The following SDHAF2 variants were observed in gnomAD, a reference collection of about 807,000 sequenced individuals.
SDHAF2 encodes the protein succinate dehydrogenase complex assembly factor 2.
Under a neutral mutation model 18.5 loss-of-function variants are expected in SDHAF2, and 21 were observed. The ratio of observed to expected loss-of-function variants is 1.13; its 90% confidence interval spans 0.80 to 1.63. The LOEUF is 1.63. SDHAF2 is among the 40% of genes most tolerant of loss of function. The probability of loss-of-function intolerance (pLI) is 0.00; values close to 1 mark genes in which losing one functional copy is unlikely to be tolerated. For missense variants in SDHAF2, 195 were observed against 200.3 expected (o/e 0.97, Z 0.16); for synonymous variants, 84 against 70.7 (o/e 1.19, Z -0.94).
At chr11:61,441,449 A>AGT (rs1798229167) in intron 3 of SDHAF2, among the ~76,000 whole-genome samples, 1 of 150,176 alleles carries the variant, frequency 6.7e-6, no homozygotes, top group Non-Finnish European at 1.5e-5. Flanking sequence ...TAAACCAGGG[A>AGT]GTCGGAGGTT....
At chr11:61,441,132 C>T (rs1304093596) in intron 3 of SDHAF2, among the ~76,000 whole-genome samples, 2 of 152,150 alleles carry the variant, frequency 1.3e-5, no homozygotes, top group African/African-American at 4.8e-5. Context: ...CTGCAATGAC[C>T]TATGATCACG....
In SDHAF2 at chr11:61,430,172, C is replaced by T. The variant is rs552102107; in HGVS notation, c.26C>T (p.Thr9Ile). ...ATGGCGGTGTCTACAGTGTTCTCGA[C>T]TTCGTCGCTGGTGAGGAGAGAGAAC... Reference protein sequence around the residue: MAVSTVFSTSSLMLALSRH... With the variant: MAVSTVFSISSLMLALSRH... Residue 9 changes from threonine (T) to isoleucine (I), a missense_variant, in exon 1 of 4, where the codon ACT (threonine) becomes ATT (isoleucine). By Grantham distance (89) the Thr-to-Ile change is moderately conservative. Transcript: ENST00000301761. 1.1e-5 allele frequency: 17 copies of T among 1,614,230 alleles called. No homozygotes were observed. Among genetic ancestry groups the T allele is most frequent in the Middle Eastern group, 1.7e-4 (1 of 6,060 alleles).
intron 1 of SDHAF2, chr11:61,434,648 G>T: frequency 7.8e-6 from 1 of 127,390 alleles, no homozygotes. Flanking sequence ...ACCAGTCTTT[G>T]AGTTTGCTGA....
chr11:61,435,763 C>T (rs1861984474), intron 1 of SDHAF2: 1 of 152,276 alleles, frequency 6.6e-6, no homozygotes, highest in African/African-American at 2.4e-5. Context: ...TAGAGTATGC[C>T]ATGTCCCATC....
intron 3 of SDHAF2, among the ~76,000 whole-genome samples, chr11:61,443,650 C>T (rs1862097066): frequency 1.3e-5 from 2 of 152,294 alleles, no homozygotes; most frequent in South Asian, 2.1e-4. Flanking sequence ...CTGGCTCTGT[C>T]GCCCAGGCTG....
chr11:61,440,263 C>A (rs910879828), intron 3 of SDHAF2, among the ~76,000 whole-genome samples: 3 of 152,070 alleles, frequency 2.0e-5, no homozygotes, highest in Non-Finnish European at 4.4e-5. Context: ...CAAGATCACG[C>A]CACTGTGCTC....
At position 61,438,103 on chromosome 11, in the gene SDHAF2, C is replaced by T. The variant is rs1328610836; in HGVS notation, c.360C>T (p.Tyr120=). 3 of 1,610,858 alleles carry T rather than the reference C, an allele frequency of 1.9e-6. No individual in the cohort carries two copies. The highest frequency in any genetic ancestry group is 3.3e-5 in the Admixed American group (2 of 60,008). Residue 120 remains tyrosine (Y), a synonymous_variant, in exon 3 of 4, where the codon TAC becomes TAT. Coordinates refer to ENST00000301761, the MANE Select transcript of SDHAF2 (RefSeq NM_017841.4). ...NEPSNDWDIY[Y]WATEAKPAPE... ...CTAGTAATGACTGGGATATTTACTA[C>T]TGGGCCACAGGTACTGGGTATGATA...
Position 61,446,251 on chromosome 11 carries a change from C to T in SDHAF2, c.*180C>T, listed in dbSNP as rs1862136936. 1 of 695,430 alleles carries T rather than the reference C, an allele frequency of 1.4e-6. No homozygotes were observed. Among genetic ancestry groups the T allele is most frequent in the Non-Finnish European group, 2.5e-6 (1 of 393,408 alleles). The allele number at this position is 695,430 out of a possible 1,614,324, so 43.1% of individuals were successfully genotyped here. A position where few individuals can be genotyped will look rare whatever the true frequency, so the allele number is the denominator to read the frequency against. On this transcript the variant is annotated 3_prime_UTR_variant, in exon 4 of 4. Transcript: ENST00000301761. ...ATACATGTAAATGCACAATGTGACT[C>T]ATTCTCATACTTTTTTGTTCAGCTC...
intron 3 of SDHAF2, among the ~76,000 whole-genome samples, chr11:61,444,824 C>T (rs951261705): frequency 6.6e-6 from 1 of 152,226 alleles, no homozygotes; most frequent in African/African-American, 2.4e-5. Context: ...GTGCCTGCCA[C>T]AGGTGAGCAA....
intron 1 of SDHAF2, among the ~76,000 whole-genome samples, chr11:61,436,396 G>T (rs371859389): frequency 6.6e-6 from 1 of 152,144 alleles, no homozygotes; most frequent in Admixed American, 6.6e-5. Flanking sequence ...TCTCCTGCTT[G>T]TTCTGCACTG....
At chr11:61,443,101 T>C (rs1201995501) in intron 3 of SDHAF2, among the ~76,000 whole-genome samples, 1 of 152,228 alleles carries the variant, frequency 6.6e-6, no homozygotes, top group East Asian at 1.9e-4. Context: ...TTATTCTTTT[T>C]TCTCTTTGTG....
intron 1 of SDHAF2, among the ~76,000 whole-genome samples, chr11:61,436,381 A>C (rs935820530): frequency 2.6e-5 from 4 of 152,224 alleles, no homozygotes; most frequent in Admixed American, 6.5e-5. Context: ...GGGAGGTGGG[A>C]GTTTTCTCCT....
At chr11:61,436,896 C>G (rs1462306743) in intron 1 of SDHAF2, 4 of 1,288,262 alleles carry the variant, frequency 3.1e-6, no homozygotes, top group Non-Finnish European at 4.0e-6. Flanking sequence ...GTCAACTTCT[C>G]TGGATTGGGA....
chr11:61,438,312 G>A (rs1862021987), intron 3 of SDHAF2, 199 bp downstream of exon 3: 2 of 626,520 alleles, frequency 3.2e-6, no homozygotes, highest in South Asian at 1.9e-5. Flanking sequence ...CGATTCTCCA[G>A]CCTCAGCCTC....
rs769045102 is a variant in SDHAF2, at chr11:61,437,224, G to A, written c.37-401G>A. On this transcript the variant is annotated intron_variant, in intron 1 of 3. Transcript: ENST00000301761. Reference sequence around the variant, plus strand: ...TTCTTTTTTCAGGGGGATAGGGTCCGTTGCCCAGGCTGGAATGCAGTGGTA... The same window carrying A: ...TTCTTTTTTCAGGGGGATAGGGTCCATTGCCCAGGCTGGAATGCAGTGGTA... Among the ~76,000 whole-genome samples the A allele has an allele frequency of 2.6e-5, 4 of 152,048 alleles. No individual in the cohort carries two copies. The East Asian group carries it at 5.8e-4, about 22-fold the overall frequency.
intron 3 of SDHAF2, among the ~76,000 whole-genome samples, chr11:61,443,923 G>A (rs972974059): frequency 5.3e-5 from 8 of 152,238 alleles, no homozygotes; most frequent in East Asian, 1.9e-4. Flanking sequence ...ACAGGCGCCC[G>A]CCACCACGCC....
intron 1 of SDHAF2, chr11:61,433,475 A>C (rs1357898491): frequency 6.6e-6 from 1 of 152,266 alleles, no homozygotes; most frequent in Non-Finnish European, 1.5e-5. Flanking sequence ...TAAAATAATA[A>C]GACATCCCAA....
intron 3 of SDHAF2, chr11:61,438,445 C>A: frequency 2.7e-6 from 1 of 367,584 alleles, no homozygotes; most frequent in South Asian, 4.9e-5. Flanking sequence ...GTGATCCGCC[C>A]GCCTCGGCCT....
At chr11:61,437,177 G>A (rs1862003736) in intron 1 of SDHAF2, among the ~76,000 whole-genome samples, 1 of 152,118 alleles carries the variant, frequency 6.6e-6, no homozygotes, top group Non-Finnish European at 1.5e-5. Flanking sequence ...ATAAAGTGGG[G>A]ACAATATCAG....
Sources: allele counts gnomAD v4.1 joint callset (sites outside exome capture counted in the v4.1 genomes callset), GRCh38; gene constraint gnomAD v4.1.1; transcripts MANE v1.5; gene names NCBI Gene and HGNC (gene_info 2026-07-23, HGNC 2026-07-21).